Variants in PTTG1IP observed in about 807,000 individuals in gnomAD.
PTTG1IP encodes PTTG1 interacting protein, also known as pituitary tumor-transforming gene 1 protein-interacting protein.
A neutral mutation model predicts 24.4 loss-of-function variants in PTTG1IP; 16 were observed. The ratio of observed to expected loss-of-function variants is 0.66; its 90% CI spans 0.44 to 1.00. The LOEUF (loss-of-function observed/expected upper bound fraction) is 1.00. Ranked by LOEUF, PTTG1IP falls within the 50% of genes least tolerant of loss-of-function variation. The probability of loss-of-function intolerance (pLI) is 0.00; values close to 1 mark genes in which losing one functional copy is unlikely to be tolerated. For missense variants in PTTG1IP, 241 were observed against 245.8 expected (o/e 0.98, Z 0.13); for synonymous variants, 89 against 96.8 (o/e 0.92, Z 0.47).
At chr21:44,853,932 G>A (rs534837704) in intron 5 of PTTG1IP, among the ~76,000 whole-genome samples, 11 of 152,340 alleles carry the variant, frequency 7.2e-5, no homozygotes, top group South Asian at 2.1e-4. Context: ...CAGGACTCAC[G>A]TGGCCTCAGG....
chr21:44,853,365 G>A (rs1243058886), intron 5 of PTTG1IP, among the ~76,000 whole-genome samples: 2 of 152,088 alleles, frequency 1.3e-5, no homozygotes, highest in Non-Finnish European at 2.9e-5. Flanking sequence ...AAAATTAGCT[G>A]GGCGTAGTGG....
At chr21:44,871,667 T>TA (rs746055427) in intron 1 of PTTG1IP, among the ~76,000 whole-genome samples, 4 of 152,050 alleles carry the variant, frequency 2.6e-5, no homozygotes, top group Non-Finnish European at 5.9e-5. Context: ...TGACAAGCAG[T>TA]AAAAATCTCA....
intron 2 of PTTG1IP, 70 bp downstream of exon 2, chr21:44,865,325 C>A: frequency 6.7e-7 from 1 of 1,499,752 alleles, no homozygotes; most frequent in Non-Finnish European, 9.3e-7. Flanking sequence ...AATCCCTGGA[C>A]CTAGAGAAAG....
intron 1 of PTTG1IP, among the ~76,000 whole-genome samples, chr21:44,868,290 G>A (rs890262134): frequency 6.6e-6 from 1 of 152,354 alleles, no homozygotes; most frequent in Middle Eastern, 3.4e-3. Context: ...CCCCCGTGGT[G>A]CTGCAATGTG....
rs993303049 is a variant in PTTG1IP at position 44,849,664 on chromosome 21, T to G, written c.*1917A>C. 1 of 152,612 alleles carries G rather than the reference T, an allele frequency of 6.6e-6. No individual in the cohort carries two copies. The highest frequency in any genetic ancestry group is 2.4e-5 in the African/African-American group (1 of 41,446). 9.5% of individuals were successfully genotyped at this position (152,612 alleles called of 1,614,324 possible). A position where few individuals can be genotyped will look rare whatever the true frequency, so the allele number is the denominator to read the frequency against. On this transcript the variant is annotated 3_prime_UTR_variant, in exon 6 of 6. Transcript: ENST00000330938. ...GGCACTCCAAGCTTTATGGTTTCCT[T>G]GAGGTTACAGTTTTGTGGCTGCTCT...
chr21:44,873,593 C>T lies in PTTG1IP; in HGVS notation c.24G>A (p.Gly8=). 6.9e-7 allele frequency: 1 copy of T among 1,454,274 alleles called. No homozygotes were observed. The highest frequency in any genetic ancestry group is 9.0e-7 in the Non-Finnish European group (1 of 1,106,588). 90.1% of individuals were successfully genotyped at this position (1,454,274 alleles called of 1,614,324 possible). A position where few individuals can be genotyped will look rare whatever the true frequency, so the allele number is the denominator to read the frequency against. MAPGVAR[G]PTPYWRLRLG... ...GGCGCAACCTCCAGTACGGCGTCGG[C>T]CCGCGGGCCACTCCGGGCGCCATGG... is the stretch of plus-strand genomic sequence containing the variant. The change falls in exon 1 of 6, where the codon GGG becomes GGA. Residue 8 remains glycine (G), a synonymous_variant. Transcript: ENST00000330938.
intron 5 of PTTG1IP, 43 bp downstream of exon 5, chr21:44,855,167 T>G: frequency 6.4e-7 from 1 of 1,564,502 alleles, no homozygotes; most frequent in East Asian, 2.2e-5. Flanking sequence ...CAGCGTGCCA[T>G]CGCCTCCCAA....
intron 1 of PTTG1IP, among the ~76,000 whole-genome samples, chr21:44,868,002 T>C (rs989602097): frequency 1.4e-4 from 21 of 152,252 alleles, no homozygotes; most frequent in Non-Finnish European, 2.1e-4. Flanking sequence ...CAATTATCAC[T>C]AAGTAGTACT....
chr21:44,850,353 AGC>A lies in PTTG1IP; in HGVS notation c.*1226_*1227del, dbSNP rs2083402230. 1 of 152,256 alleles carries A rather than the reference AGC, an allele frequency of 6.6e-6. No homozygotes were observed. The highest frequency in any genetic ancestry group is 2.4e-5 in the African/African-American group (1 of 41,472). The allele number at this position is 152,256 out of a possible 1,614,324, so 9.4% of individuals were successfully genotyped here. On this transcript the variant is annotated 3_prime_UTR_variant, in exon 6 of 6. Coordinates refer to ENST00000330938, the MANE Select transcript of PTTG1IP (RefSeq NM_004339.4). ...CCGCACGCTGCTTTCCCTGCCACGA[AGC>A]GCTTGGTCTGCTTACTAAAGCCACG...
At chr21:44,865,304 A>G in intron 2 of PTTG1IP, 91 bp downstream of exon 2, 1 of 1,315,658 alleles carries the variant, frequency 7.6e-7, no homozygotes, top group African/African-American at 1.5e-5. Flanking sequence ...AGCCCTCCAC[A>G]CATCCCAGCG....
chr21:44,873,273 A>G (rs545262693), intron 1 of PTTG1IP, among the ~76,000 whole-genome samples: 1 of 152,296 alleles, frequency 6.6e-6, no homozygotes, highest in East Asian at 1.9e-4. Context: ...AACAAAGACA[A>G]AGACAAAGAC....
intron 2 of PTTG1IP, chr21:44,861,613 C>A (rs1451985265): frequency 3.0e-6 from 2 of 664,360 alleles, no homozygotes; most frequent in East Asian, 5.4e-5. Context: ...GCTCAGCCTG[C>A]CGGTTCTGCC....
At chr21:44,861,579 C>A (rs2083492197) in intron 2 of PTTG1IP, 2 of 631,662 alleles carry the variant, frequency 3.2e-6, no homozygotes, top group Admixed American at 4.9e-5. Context: ...GTGCTGCCAA[C>A]CCCACCTCAT....
intron 3 of PTTG1IP, among the ~76,000 whole-genome samples, chr21:44,860,653 G>A (rs184927048): frequency 6.6e-6 from 1 of 152,236 alleles, no homozygotes; most frequent in Admixed American, 6.5e-5. Flanking sequence ...AGAGCTCAGT[G>A]CTGGGGCTGA....
At chr21:44,864,350 G>A (rs1004615913) in intron 2 of PTTG1IP, among the ~76,000 whole-genome samples, 3 of 152,374 alleles carry the variant, frequency 2.0e-5, no homozygotes, top group African/African-American at 7.2e-5. Context: ...CCAGGCGCAG[G>A]CCACCACGCA....
chr21:44,863,081 C>T (rs2083504903), intron 2 of PTTG1IP, among the ~76,000 whole-genome samples: 1 of 133,592 alleles, frequency 7.5e-6, no homozygotes, highest in Non-Finnish European at 1.7e-5. Context: ...GCCACGGCCT[C>T]GGCAACACAG....
chr21:44,864,578 T>C lies in PTTG1IP; in HGVS notation c.168+817A>G, dbSNP rs377046136. 3.3e-5 allele frequency among the ~76,000 whole-genome samples: 5 copies of C among 152,304 alleles called. No individual in the cohort carries two copies. In the East Asian group the frequency reaches 5.8e-4, roughly 18 times the overall value. Reference sequence around the variant, plus strand: ...CGCCTAGCTAATTGTTTTGTATTTTTAGTAGAGACGGGGTTTCACCATGTT... The same window carrying C: ...CGCCTAGCTAATTGTTTTGTATTTTCAGTAGAGACGGGGTTTCACCATGTT... On this transcript the variant is annotated intron_variant, in intron 2 of 5. Coordinates refer to ENST00000330938, the MANE Select transcript of PTTG1IP (RefSeq NM_004339.4).
intron 3 of PTTG1IP, among the ~76,000 whole-genome samples, chr21:44,859,148 C>T (rs2083471326): frequency 6.6e-6 from 1 of 152,200 alleles, no homozygotes; most frequent in African/African-American, 2.4e-5. Context: ...ATAACTGGTG[C>T]AGGCAATTGA....
At position 44,850,300 on chromosome 21, in the gene PTTG1IP, C is replaced by T. The variant is rs1347599228; in HGVS notation, c.*1281G>A. 6.6e-6 allele frequency: 1 copy of T among 152,230 alleles called. No individual in the cohort carries two copies. The highest frequency in any genetic ancestry group is 1.5e-5 in the Non-Finnish European group (1 of 68,034). The allele number at this position is 152,230 out of a possible 1,614,324, so 9.4% of individuals were successfully genotyped here. A position where few individuals can be genotyped will look rare whatever the true frequency, so the allele number is the denominator to read the frequency against. On this transcript the variant is annotated 3_prime_UTR_variant, in exon 6 of 6. Transcript: ENST00000330938. ...TGGAACAGGGACTATTTCCAAACTTCCTTAGGCAGCACTTTTCAGTGACTT... is the reference window on the plus strand; with the variant it reads ...TGGAACAGGGACTATTTCCAAACTTTCTTAGGCAGCACTTTTCAGTGACTT...
Sources: allele counts gnomAD v4.1 joint callset (sites outside exome capture counted in the v4.1 genomes callset), GRCh38; gene constraint gnomAD v4.1.1; transcripts MANE v1.5; gene names NCBI Gene and HGNC (gene_info 2026-07-23, HGNC 2026-07-21).